CCSER1: variants seen among roughly 807,000 people sequenced by gnomAD.
The protein encoded by CCSER1 is serine-rich coiled-coil domain-containing protein 1.
A neutral mutation model predicts 82.0 loss-of-function variants in CCSER1; 41 were observed. That is an observed-to-expected ratio of 0.50 (90% CI 0.39 to 0.65). CCSER1 has a LOEUF of 0.65. CCSER1 is among the 30% of genes least tolerant of loss of function. The pLI is 0.00. For synonymous variants in CCSER1, 414 were observed against 383.9 expected (o/e 1.08, Z -0.92); for missense variants, 1,119 against 1,064.2 (o/e 1.05, Z -0.72).
chr4:90,233,301 T>G (rs1323592476), intron 1 of CCSER1, among the ~76,000 whole-genome samples: 7 of 152,132 alleles, frequency 4.6e-5, no homozygotes, highest in South Asian at 4.2e-4. Context: ...CCATAAAAAA[T>G]GATGAGTTCA....
intron 10 of CCSER1, among the ~76,000 whole-genome samples, chr4:91,443,676 TAAAA>T (rs934019780): frequency 7.4e-5 from 11 of 148,054 alleles, no homozygotes; most frequent in Non-Finnish European, 1.6e-4. Flanking sequence ...AATAATAAAA[TAAAA>T]GAAAATAATA....
At chr4:90,696,077 T>C (rs1736957459) in intron 6 of CCSER1, among the ~76,000 whole-genome samples, 1 of 152,110 alleles carries the variant, frequency 6.6e-6, no homozygotes, top group African/African-American at 2.4e-5. Flanking sequence ...TGATACCAAC[T>C]ATCAATTTTA....
chr4:91,017,419 CTATTTT>C (rs1739528947), intron 9 of CCSER1: 1 of 152,050 alleles, frequency 6.6e-6, no homozygotes, highest in Non-Finnish European at 1.5e-5. Flanking sequence ...TTTTTAACTT[CTATTTT>C]TAAGTTCAGG....
At chr4:91,344,674 C>G (rs1159993444) in intron 10 of CCSER1, among the ~76,000 whole-genome samples, 1 of 151,240 alleles carries the variant, frequency 6.6e-6, no homozygotes, top group Non-Finnish European at 1.5e-5. Flanking sequence ...AAAAGAGATT[C>G]TATTTGAAGA....
chr4:90,554,006 A>ATT (rs1387182204), intron 5 of CCSER1, among the ~76,000 whole-genome samples: 1 of 152,214 alleles, frequency 6.6e-6, no homozygotes, highest in Non-Finnish European at 1.5e-5. Flanking sequence ...TCTTTTCTAC[A>ATT]TATCACAATG....
chr4:90,391,093 C>T (rs1256349361), intron 3 of CCSER1, among the ~76,000 whole-genome samples: 2 of 143,032 alleles, frequency 1.4e-5, no homozygotes, highest in African/African-American at 2.7e-5. Context: ...ATGAAACTCC[C>T]CTCTACTAAA....
intron 10 of CCSER1, among the ~76,000 whole-genome samples, chr4:91,531,855 C>T (rs932576566): frequency 2.0e-5 from 3 of 152,260 alleles, no homozygotes; most frequent in African/African-American, 7.2e-5. Flanking sequence ...TGACCCACCT[C>T]TTATTACTAT....
intron 4 of CCSER1, among the ~76,000 whole-genome samples, chr4:90,428,063 T>A (rs756867377): frequency 1.3e-5 from 2 of 151,852 alleles, no homozygotes; most frequent in Non-Finnish European, 2.9e-5. Flanking sequence ...CTAATCTAAG[T>A]TTTATCTTTT....
chr4:90,169,929 G>A (rs374921792), intron 1 of CCSER1, among the ~76,000 whole-genome samples: 3 of 151,806 alleles, frequency 2.0e-5, no homozygotes, highest in East Asian at 3.9e-4. Flanking sequence ...CACGTATCCT[G>A]GACCTCCTTC....
Position 90,451,200 on chromosome 4 carries a change from A to T in CCSER1, c.1604-17034A>T, listed in dbSNP as rs28892991. ...CATTATTGCTCTGAAGGTACTTGGG[A>T]AGTCCAATGTGAGGAATTATTTCAT... On this transcript the variant is annotated intron_variant, in intron 4 of 10. Coordinates refer to ENST00000509176, the MANE Select transcript of CCSER1 (RefSeq NM_001145065.2). Among the ~76,000 whole-genome samples, 1,221 of 152,212 alleles carry T rather than the reference A, an allele frequency of 8.0e-3. 14 individuals are homozygous for T. The highest frequency in any genetic ancestry group is 0.028 in the African/African-American group (1,172 of 41,518).
At chr4:90,384,599 T>TAC (rs1749724940) in intron 3 of CCSER1, among the ~76,000 whole-genome samples, 1 of 152,136 alleles carries the variant, frequency 6.6e-6, no homozygotes, top group African/African-American at 2.4e-5. Flanking sequence ...CTAAACTTCT[T>TAC]ACCGGCCTGA....
intron 6 of CCSER1, among the ~76,000 whole-genome samples, chr4:90,659,476 GTATTAT>G (rs1275466331): frequency 6.6e-6 from 1 of 151,964 alleles, no homozygotes; most frequent in Non-Finnish European, 1.5e-5. Context: ...CCCCAAAATT[GTATTAT>G]TATTTTTTCA....
intron 8 of CCSER1, among the ~76,000 whole-genome samples, chr4:90,830,806 C>A (rs1304603740): frequency 6.6e-6 from 1 of 152,082 alleles, no homozygotes; most frequent in Non-Finnish European, 1.5e-5. Flanking sequence ...TATGAACAAA[C>A]AACTTTGGTA....
intron 10 of CCSER1, among the ~76,000 whole-genome samples, chr4:91,481,255 T>C (rs1018568472): frequency 1.3e-5 from 2 of 152,044 alleles, no homozygotes; most frequent in Non-Finnish European, 2.9e-5. Context: ...AAACATATTT[T>C]CTTATAGTTC....
rs1553982851 is a variant in CCSER1 at position 90,271,890 on chromosome 4, T to TTTTAA, written c.-41-36354_-41-36353insTTTAA. Among the ~76,000 whole-genome samples, 6 of 70,124 alleles carry TTTTAA rather than the reference T, an allele frequency of 8.6e-5. 1 individual carries two copies. The highest frequency in any genetic ancestry group is 3.8e-4 in the Admixed American group (2 of 5,314). The allele number at this position is 70,124 out of a possible 152,430, so 46.0% of individuals were successfully genotyped here. ...TTTTTTTTTTTTTTTTTTTTTTTTTTAAAAGGAGGTTTAATTGACTCACAG... is the reference window on the plus strand; with the variant it reads ...TTTTTTTTTTTTTTTTTTTTTTTTTTTTTAAAAAAGGAGGTTTAATTGACTCACAG... On this transcript the variant is annotated intron_variant, in intron 1 of 10. Transcript: ENST00000509176.
intron 1 of CCSER1, among the ~76,000 whole-genome samples, chr4:90,169,909 T>C (rs532887751): frequency 1.3e-5 from 2 of 152,124 alleles, no homozygotes; most frequent in South Asian, 2.1e-4. Context: ...CTTAGGCTTC[T>C]ATGATAATAC....
chr4:90,904,751 C>G (rs991376102), intron 8 of CCSER1, among the ~76,000 whole-genome samples: 4 of 152,118 alleles, frequency 2.6e-5, no homozygotes, highest in Non-Finnish European at 5.9e-5. Context: ...GTTCTTAGCC[C>G]AGATACTAGC....
In CCSER1 at chr4:90,913,700, T is replaced by C. The variant is rs556824500; in HGVS notation, c.2095-9670T>C. ...CAACTGAAAGACACAGCCTGGCAAA[T>C]TGGATAAAGAGTCAACACCAATAAG... On this transcript the variant is annotated intron_variant, in intron 8 of 10. Transcript: ENST00000509176. 4.6e-5 allele frequency among the ~76,000 whole-genome samples: 7 copies of C among 152,124 alleles called. No individual in the cohort carries two copies. The East Asian group carries it at 9.7e-4, about 21-fold the overall frequency.
intron 10 of CCSER1, among the ~76,000 whole-genome samples, chr4:91,586,049 C>T (rs192742236): frequency 6.6e-6 from 1 of 151,364 alleles, no homozygotes; most frequent in Non-Finnish European, 1.5e-5. Context: ...GAGTAGTGGG[C>T]AGAATATAAA....
Sources: gnomAD v4.1 joint callset for allele counts (sites outside exome capture counted in the v4.1 genomes callset) on GRCh38, gnomAD v4.1.1 for gene constraint, MANE v1.5 for transcripts, NCBI Gene and HGNC (gene_info 2026-07-23, HGNC 2026-07-21) for gene names.